THSD7B: variants seen among roughly 807,000 people sequenced by gnomAD.
THSD7B encodes thrombospondin type 1 domain containing 7B.
A neutral mutation model predicts 213.6 loss-of-function variants in THSD7B; 138 were observed. The observed-to-expected ratio is 0.65, with a 90% CI of 0.56 to 0.74. THSD7B has a LOEUF of 0.74. THSD7B is among the 30% of genes least tolerant of loss of function. The pLI is 0.00. For synonymous variants in THSD7B, 742 were observed against 687.0 expected, an observed-to-expected ratio of 1.08 and a Z score of -1.25; for missense variants, 1,931 against 1,991.5, an observed-to-expected ratio of 0.97 and a Z score of 0.58.
At chr2:136,849,130 C>T (rs1251521431) in intron 1 of THSD7B, among the ~76,000 whole-genome samples, 1 of 152,038 alleles carries the variant, frequency 6.6e-6, no homozygotes, top group Non-Finnish European at 1.5e-5. Flanking sequence ...AAAACACATC[C>T]CCTTACCACC....
intron 2 of THSD7B, among the ~76,000 whole-genome samples, chr2:136,970,739 G>A (rs940376447): frequency 6.6e-6 from 1 of 152,124 alleles, no homozygotes; most frequent in Non-Finnish European, 1.5e-5. Context: ...ACTCCGAAGT[G>A]CAAATCTTGA....
At chr2:137,470,909 A>ACTTTTTTTTTTTTTTTTTTT (rs1688079548) in intron 15 of THSD7B, among the ~76,000 whole-genome samples, 1 of 74,454 alleles carries the variant, frequency 1.3e-5, no homozygotes, top group African/African-American at 4.6e-5. Flanking sequence ...ATTTTTCTTT[A>ACTTTTTTTTTTTTTTTTTTT]CTTTTTTTTT....
At chr2:137,122,838 A>G (rs1688567378) in intron 5 of THSD7B, among the ~76,000 whole-genome samples, 1 of 152,030 alleles carries the variant, frequency 6.6e-6, no homozygotes, top group South Asian at 2.1e-4. Flanking sequence ...CCTAGAAAGT[A>G]TCTCTTCTGG....
intron 12 of THSD7B, among the ~76,000 whole-genome samples, chr2:137,332,139 CTA>C (rs1684526991): frequency 6.6e-6 from 1 of 152,020 alleles, no homozygotes; most frequent in Admixed American, 6.5e-5. Context: ...CGAGCGAGGG[CTA>C]TGAGGACTGC....
intron 2 of THSD7B, among the ~76,000 whole-genome samples, chr2:136,921,283 CTGCTTAGTTA>C (rs1234458037): frequency 1.3e-5 from 2 of 150,798 alleles, no homozygotes; most frequent in Non-Finnish European, 2.9e-5. Flanking sequence ...AAGCCTACTT[CTGCTTAGTTA>C]TATCTATATA....
At chr2:136,895,371 C>T (rs1475006022) in intron 2 of THSD7B, among the ~76,000 whole-genome samples, 3 of 151,814 alleles carry the variant, frequency 2.0e-5, no homozygotes, top group Non-Finnish European at 4.4e-5. Flanking sequence ...GAAACTGTAA[C>T]TTAGAACTGC....
chr2:137,101,979 C>T (rs1688159632), intron 4 of THSD7B, among the ~76,000 whole-genome samples: 9 of 152,220 alleles, frequency 5.9e-5, no homozygotes, highest in Admixed American at 5.2e-4. Context: ...CAGACTTAAA[C>T]GTTCCTGCCT....
chr2:137,289,799 A>G (rs1683279237), intron 12 of THSD7B, among the ~76,000 whole-genome samples: 1 of 151,976 alleles, frequency 6.6e-6, no homozygotes, highest in Non-Finnish European at 1.5e-5. Context: ...AAGAAAAAAG[A>G]GAAAAAAAAA....
chr2:136,956,510 T>C (rs562097761), intron 2 of THSD7B, among the ~76,000 whole-genome samples: 1 of 151,890 alleles, frequency 6.6e-6, no homozygotes, highest in African/African-American at 2.4e-5. Flanking sequence ...ATTTTTTATT[T>C]TTTTTTAGTC....
At chr2:137,209,595 C>T (rs1161861927) in intron 7 of THSD7B, among the ~76,000 whole-genome samples, 2 of 151,940 alleles carry the variant, frequency 1.3e-5, no homozygotes, top group African/African-American at 4.8e-5. Context: ...ATTTAAGAAC[C>T]TGAACTAAAT....
chr2:137,147,430 A>G lies in THSD7B; in HGVS notation c.1370-12783A>G, dbSNP rs532833798. ...TTTAAAGTAGCATACGCTAACAAGGACGTCAGTTACAATGAGGCCTTCATT... is the reference window on the plus strand; with the variant it reads ...TTTAAAGTAGCATACGCTAACAAGGGCGTCAGTTACAATGAGGCCTTCATT... On this transcript the variant is annotated intron_variant, in intron 5 of 27. Coordinates refer to ENST00000409968, the MANE Select transcript of THSD7B (RefSeq NM_001316349.2). 2.7e-4 allele frequency among the ~76,000 whole-genome samples: 41 copies of G among 152,128 alleles called. No homozygotes were observed. The Middle Eastern group carries it at 0.014, about 50-fold the overall frequency.
At chr2:137,284,853 G>A (rs1301669894) in intron 12 of THSD7B, among the ~76,000 whole-genome samples, 2 of 152,068 alleles carry the variant, frequency 1.3e-5, no homozygotes, top group Non-Finnish European at 2.9e-5. Flanking sequence ...GTGTGGTGTG[G>A]TGCTGAAAAG....
intron 1 of THSD7B, among the ~76,000 whole-genome samples, chr2:136,798,212 G>A (rs958429664): frequency 6.6e-6 from 1 of 151,870 alleles, no homozygotes; most frequent in African/African-American, 2.4e-5. Context: ...AGGGTTCAGA[G>A]TCTGGATACC....
At chr2:137,559,247 G>A (rs547491160) in intron 15 of THSD7B, among the ~76,000 whole-genome samples, 5 of 152,038 alleles carry the variant, frequency 3.3e-5, no homozygotes, top group South Asian at 2.1e-4. Context: ...AAAAGAGCCC[G>A]CATTGCCAAG....
chr2:137,539,882 A>G (rs937839147), intron 15 of THSD7B, among the ~76,000 whole-genome samples: 1 of 151,600 alleles, frequency 6.6e-6, no homozygotes, highest in African/African-American at 2.4e-5. Context: ...CCAATTCATG[A>G]TGTATTTCTT....
chr2:137,037,696 A>G (rs1389382329), intron 2 of THSD7B, among the ~76,000 whole-genome samples: 1 of 152,200 alleles, frequency 6.6e-6, no homozygotes, highest in Non-Finnish European at 1.5e-5. Flanking sequence ...ATTTGGCTAA[A>G]GTACTTTCTG....
intron 12 of THSD7B, among the ~76,000 whole-genome samples, chr2:137,361,921 C>T (rs1196395043): frequency 6.6e-6 from 1 of 152,086 alleles, no homozygotes; most frequent in Non-Finnish European, 1.5e-5. Flanking sequence ...AACCCCAAAA[C>T]ACATAATTAT....
intron 10 of THSD7B, among the ~76,000 whole-genome samples, chr2:137,259,467 G>T (rs991359111): frequency 3.9e-5 from 6 of 152,046 alleles, no homozygotes; most frequent in African/African-American, 1.4e-4. Context: ...TATGTTTGTT[G>T]GCTGCATAAA....
chr2:136,898,678 C>A (rs948155318), intron 2 of THSD7B, among the ~76,000 whole-genome samples: 9 of 149,040 alleles, frequency 6.0e-5, no homozygotes, highest in Admixed American at 5.5e-4. Flanking sequence ...GAGTCTCCCC[C>A]CATCACCAGG....
Sources: allele counts gnomAD v4.1 joint callset (sites outside exome capture counted in the v4.1 genomes callset), GRCh38; gene constraint gnomAD v4.1.1; transcripts MANE v1.5; gene names NCBI Gene and HGNC (gene_info 2026-07-23, HGNC 2026-07-21).